PPP4R1: variants seen among roughly 807,000 people sequenced by gnomAD.
PPP4R1 encodes the protein serine/threonine-protein phosphatase 4 regulatory subunit 1.
A neutral mutation model predicts 111.2 loss-of-function variants in PPP4R1; 42 were observed. The observed-to-expected ratio is 0.38, with a 90% CI of 0.29 to 0.49. The LOEUF is 0.49. Among genes scored for constraint, PPP4R1 ranks in the 20% least tolerant of loss-of-function variants. The probability of loss-of-function intolerance (pLI) is 0.97; values close to 1 mark genes in which losing one functional copy is unlikely to be tolerated. For missense variants in PPP4R1, 1,012 were observed against 1,161.6 expected (o/e 0.87, Z 1.87); for synonymous variants, 409 against 405.5 (o/e 1.01, Z -0.10).
Position 9,614,329 on chromosome 18 carries a change from C to A in PPP4R1, c.8-59G>T, listed in dbSNP as rs1365027419. 9 of 1,106,628 alleles carry A rather than the reference C, an allele frequency of 8.1e-6. No homozygotes were observed. Among genetic ancestry groups the A allele is most frequent in the South Asian group, 8.0e-5 (2 of 25,116 alleles). The allele number at this position is 1,106,628 out of a possible 1,614,324, so 68.6% of individuals were successfully genotyped here. A position where few individuals can be genotyped will look rare whatever the true frequency, so the allele number is the denominator to read the frequency against. On this transcript the variant is annotated intron_variant, in intron 1 of 19. Coordinates refer to ENST00000400556, the MANE Select transcript of PPP4R1 (RefSeq NM_001042388.3). This position sits in a 1 kb window ranked among gnomAD's most constrained non-coding sequence, Gnocchi z 4.1. ...GCGCCCCGGGGCCCGGCGCGACGCC[C>A]CCCCCCCGCCCGCCTCCCCCCCGCC...
At chr18:9,576,262 G>C (rs2066933964) in intron 10 of PPP4R1, among the ~76,000 whole-genome samples, 1 of 152,196 alleles carries the variant, frequency 6.6e-6, no homozygotes, top group South Asian at 2.1e-4. Context: ...AGACACTATG[G>C]TAACTCAAGC....
intron 6 of PPP4R1, among the ~76,000 whole-genome samples, chr18:9,586,305 C>T (rs1173367923): frequency 6.6e-6 from 1 of 151,936 alleles, no homozygotes; most frequent in Non-Finnish European, 1.5e-5. Flanking sequence ...TAATGTTTTA[C>T]TAATTTTACA....
chr18:9,608,437 C>T (rs2067521877), intron 2 of PPP4R1, among the ~76,000 whole-genome samples: 1 of 152,112 alleles, frequency 6.6e-6, no homozygotes, highest in Admixed American at 6.5e-5. Context: ...TCAATAAGGC[C>T]AGAAAGTAAG....
At chr18:9,606,097 G>C (rs1232444094) in intron 2 of PPP4R1, among the ~76,000 whole-genome samples, 2 of 152,150 alleles carry the variant, frequency 1.3e-5, no homozygotes, top group Non-Finnish European at 2.9e-5. Context: ...TTCATTATTT[G>C]ACCCCAAATT....
rs539629575 is a variant in PPP4R1 at position 9,610,432 on chromosome 18, T to C, written c.52+3794A>G. ...AGTACTGAAAGTTTCACTTTTAAAC[T>C]TAAATACATATGGTTTTTATTGCAT... On this transcript the variant is annotated intron_variant, in intron 2 of 19. Coordinates refer to ENST00000400556, the MANE Select transcript of PPP4R1 (RefSeq NM_001042388.3). Among the ~76,000 whole-genome samples, 3 of 152,348 alleles carry C rather than the reference T, an allele frequency of 2.0e-5. No homozygotes were observed. In the South Asian group the frequency reaches 6.2e-4, roughly 32 times the overall value.
At chr18:9,565,945 C>T (rs2066757985) in intron 11 of PPP4R1, among the ~76,000 whole-genome samples, 1 of 151,920 alleles carries the variant, frequency 6.6e-6, no homozygotes, top group Non-Finnish European at 1.5e-5. Flanking sequence ...GAGTCTTGCT[C>T]TGTCACCCAG....
chr18:9,603,729 C>T (rs1224379659), intron 2 of PPP4R1, among the ~76,000 whole-genome samples: 1 of 152,160 alleles, frequency 6.6e-6, no homozygotes, highest in Non-Finnish European at 1.5e-5. Context: ...AAGGGATCCT[C>T]CTGCCTCAAC....
chr18:9,559,664 G>C, intron 13 of PPP4R1, 60 bp from the exon 14 acceptor site: 4 of 1,320,586 alleles, frequency 3.0e-6, no homozygotes, highest in Non-Finnish European at 4.0e-6. Flanking sequence ...GAGCAGTTTA[G>C]ACATAAATTG....
chr18:9,602,093 A>C (rs1341380296), intron 2 of PPP4R1, among the ~76,000 whole-genome samples: 1 of 152,208 alleles, frequency 6.6e-6, no homozygotes, highest in Non-Finnish European at 1.5e-5. Context: ...GTAACAGCAC[A>C]AAACAACTGT....
At chr18:9,593,953 G>T in intron 3 of PPP4R1, 79 bp from the exon 4 acceptor site, 2 of 1,119,622 alleles carry the variant, frequency 1.8e-6, no homozygotes, top group Non-Finnish European at 2.6e-6. Flanking sequence ...TTGAGACAGG[G>T]CCTCATTCCT....
chr18:9,598,332 A>C (rs1363507852), intron 2 of PPP4R1, among the ~76,000 whole-genome samples: 1 of 152,222 alleles, frequency 6.6e-6, no homozygotes, highest in Non-Finnish European at 1.5e-5. Context: ...GGTTCAATGA[A>C]ACCCATGAGC....
At chr18:9,611,210 C>A (rs2067573738) in intron 2 of PPP4R1, among the ~76,000 whole-genome samples, 2 of 152,170 alleles carry the variant, frequency 1.3e-5, no homozygotes, top group Non-Finnish European at 2.9e-5. Context: ...TTCTTCCCAT[C>A]CCAAGGGCCA....
chr18:9,588,752 G>T lies in PPP4R1; in HGVS notation c.397C>A (p.Leu133Ile). Residue 133 changes from leucine (L) to isoleucine (I), a missense_variant, in exon 5 of 20, where the codon CTA becomes ATA. Around this residue, in one of 2 missense-constraint regions of PPP4R1, gnomAD observed 707 missense variants for 742.1 expected, o/e 0.95. Transcript: ENST00000400556. Reference sequence around the variant, plus strand: ...GCAAGGTATCTAACCACAATAGGTAGTAAGAATTTTGAAAAAGCATATGGT... The same window carrying T: ...GCAAGGTATCTAACCACAATAGGTATTAAGAATTTTGAAAAAGCATATGGT... ...SIPYAFSKFL[L>I]PIVVRYLADQ... The T allele has an allele frequency of 6.2e-7, 1 of 1,613,488 alleles. No individual in the cohort carries two copies. The highest frequency in any genetic ancestry group is 8.5e-7 in the Non-Finnish European group (1 of 1,179,426).
upstream of PPP4R1, chr18:9,617,034 T>A (rs1021450196): frequency 1.3e-5 from 2 of 152,238 alleles, no homozygotes; most frequent in Admixed American, 1.3e-4. Context: ...AAGGAGTTTT[T>A]AAACCAGTGT....
At chr18:9,575,259 G>C (rs1019930717) in intron 10 of PPP4R1, among the ~76,000 whole-genome samples, 4 of 152,186 alleles carry the variant, frequency 2.6e-5, no homozygotes, top group Non-Finnish European at 5.9e-5. Flanking sequence ...TCCATTTACA[G>C]TTTCTGGTTC....
At chr18:9,594,842 G>A (rs2067266790) in intron 3 of PPP4R1, 176 bp downstream of exon 3, 1 of 646,646 alleles carries the variant, frequency 1.5e-6, no homozygotes, top group Non-Finnish European at 2.4e-6. Context: ...ATGCTTACTA[G>A]GATCAAAGAA....
chr18:9,615,537 CTTG>C (rs769984519), upstream of PPP4R1, among the ~76,000 whole-genome samples: 1 of 152,140 alleles, frequency 6.6e-6, no homozygotes, highest in Admixed American at 6.5e-5. Flanking sequence ...CTTTATTAGT[CTTG>C]TTGTTTTACG....
In PPP4R1 at chr18:9,550,103, A is replaced by G. The variant is rs1348688302; in HGVS notation, c.2496T>C (p.Phe832=). 3.7e-6 allele frequency: 6 copies of G among 1,614,134 alleles called. No individual in the cohort carries two copies. The highest frequency in any genetic ancestry group is 1.7e-5 in the Admixed American group (1 of 60,008). The change falls in exon 18 of 20, where the codon TTT becomes TTC. Residue 832 remains phenylalanine (F), a synonymous_variant. Coordinates refer to ENST00000400556, the MANE Select transcript of PPP4R1 (RefSeq NM_001042388.3). The part of the protein sequence containing the change: ...VDLINELVEN[F]GRCPKWSGRQ... ...GACCAGACCACTTGGGACATCTGCC[A>G]AAGTTCTCCACAAGCTCATTGATGA...
At chr18:9,589,912 A>G (rs2067183493) in intron 4 of PPP4R1, 1 of 152,340 alleles carries the variant, frequency 6.6e-6, no homozygotes, top group Non-Finnish European at 1.5e-5. Flanking sequence ...ACAAACAAAC[A>G]AAAAAACTTT....
Sources: allele counts gnomAD v4.1 joint callset (sites outside exome capture counted in the v4.1 genomes callset), GRCh38; gene constraint gnomAD v4.1.1; regional missense constraint gnomAD v4.1.1; non-coding constraint Gnocchi (gnomAD v3.1); transcripts MANE v1.5; gene names NCBI Gene and HGNC (gene_info 2026-07-23, HGNC 2026-07-21).